BIRC6: variants seen among roughly 807,000 people sequenced by gnomAD.
BIRC6 encodes the protein dual E2 ubiquitin-conjugating enzyme/E3 ubiquitin-protein ligase BIRC6.
A neutral mutation model predicts 503.3 loss-of-function variants in BIRC6; 98 were observed. The ratio of observed to expected loss-of-function variants is 0.19; its 90% CI spans 0.17 to 0.23. The LOEUF is 0.23. Ranked by LOEUF, BIRC6 falls within the 10% of genes least tolerant of loss-of-function variation. The probability of loss-of-function intolerance (pLI) is 1.00; values close to 1 mark genes in which losing one functional copy is unlikely to be tolerated. For synonymous variants in BIRC6, 2,240 were observed against 2,078.7 expected (o/e 1.08, Z -2.11); for missense variants, 5,360 against 5,806.0 (o/e 0.92, Z 2.50).
Position 32,588,743 on chromosome 2 carries a change from A to G in BIRC6, c.13356-5172A>G, listed in dbSNP as rs76582870. Among the ~76,000 whole-genome samples the G allele has an allele frequency of 3.2e-3, 494 of 152,304 alleles. 4 individuals are homozygous for G. Among genetic ancestry groups the G allele is most frequent in the Middle Eastern group, 0.017 (5 of 294 alleles). On this transcript the variant is annotated intron_variant, in intron 66 of 73. Coordinates refer to ENST00000421745, the MANE Select transcript of BIRC6 (RefSeq NM_016252.4). ...AAAGTAACTCTCAGTTACCTCCACT[A>G]ATAAAGGGATTTCTGGCGTGGATAA...
intron 1 of BIRC6, among the ~76,000 whole-genome samples, chr2:32,362,174 C>T (rs566523135): frequency 6.6e-6 from 1 of 152,270 alleles, no homozygotes; most frequent in East Asian, 1.9e-4. Context: ...TCCTCACCAG[C>T]ATTTGGGGGT....
At chr2:32,561,778 T>G (rs925025719) in intron 65 of BIRC6, among the ~76,000 whole-genome samples, 2 of 147,558 alleles carry the variant, frequency 1.4e-5, no homozygotes, top group African/African-American at 5.0e-5. Context: ...GGGGCAGTGC[T>G]CACGCCTATA....
intron 57 of BIRC6, among the ~76,000 whole-genome samples, chr2:32,520,579 A>T (rs894347105): frequency 6.6e-6 from 1 of 152,218 alleles, no homozygotes; most frequent in Non-Finnish European, 1.5e-5. Context: ...GCACTTTGCG[A>T]GGCCAAGGCA....
chr2:32,396,816 C>T (rs191885386), intron 6 of BIRC6, among the ~76,000 whole-genome samples: 16 of 152,154 alleles, frequency 1.1e-4, no homozygotes, highest in African/African-American at 3.6e-4. Flanking sequence ...CTCTACCTCC[C>T]GGGTTCAGGC....
At chr2:32,486,296 C>T (rs1015017373) in intron 40 of BIRC6, among the ~76,000 whole-genome samples, 1 of 152,130 alleles carries the variant, frequency 6.6e-6, no homozygotes, top group African/African-American at 2.4e-5. Context: ...CTTTCCTTGC[C>T]ATATGGTGTG....
Position 32,617,701 on chromosome 2 carries a change from C to T in BIRC6, c.14395-24C>T, listed in dbSNP as rs1303074907. 5.0e-6 allele frequency: 8 copies of T among 1,607,126 alleles called. No homozygotes were observed. The African/African-American group carries it at 6.7e-5, about 13-fold the overall frequency. ...TGTGCTAGAGGGTTTGCAGTTCTAA[C>T]ATTAGTCCTTTTCTCCTGCATAGCG... On this transcript the variant is annotated intron_variant, in intron 73 of 73. Coordinates refer to ENST00000421745, the MANE Select transcript of BIRC6 (RefSeq NM_016252.4).
intron 37 of BIRC6, 135 bp from the exon 38 acceptor site, chr2:32,481,185 T>C: frequency 1.4e-6 from 1 of 716,460 alleles, no homozygotes; most frequent in Non-Finnish European, 2.2e-6. Context: ...GAGCGAAATG[T>C]TTGCATACAT....
rs1408875394 is a variant in BIRC6, at chr2:32,406,656, A to G, written c.1477+99A>G. ...ATTCTGAATTTCTTAGTTAATGCTA[A>G]CTCTAAATTTTTGCTAGTATACACA... On this transcript the variant is annotated intron_variant, in intron 9 of 73. Coordinates refer to ENST00000421745, the MANE Select transcript of BIRC6 (RefSeq NM_016252.4). 6 of 813,592 alleles carry G rather than the reference A, an allele frequency of 7.4e-6. No individual in the cohort carries two copies. The African/African-American group carries it at 1.0e-4, about 14-fold the overall frequency. 50.4% of individuals were successfully genotyped at this position (813,592 alleles called of 1,614,324 possible).
At chr2:32,366,947 C>T (rs968763636) in intron 1 of BIRC6, among the ~76,000 whole-genome samples, 1 of 152,144 alleles carries the variant, frequency 6.6e-6, no homozygotes, top group Non-Finnish European at 1.5e-5. Context: ...TGCCACTGCA[C>T]TCCAGCCTAG....
At chr2:32,446,744 T>G (rs898271853) in intron 21 of BIRC6, among the ~76,000 whole-genome samples, 12 of 122,156 alleles carry the variant, frequency 9.8e-5, no homozygotes, top group African/African-American at 2.2e-4. Context: ...CGCTGTTTTT[T>G]TTTTTTTTTT....
Position 32,487,678 on chromosome 2 carries a change from A to G in BIRC6, c.7845A>G (p.Ser2615=). The G allele has an allele frequency of 6.2e-7, 1 of 1,613,420 alleles. No individual in the cohort carries two copies. The highest frequency in any genetic ancestry group is 1.1e-5 in the South Asian group (1 of 91,006). Residue 2615 remains serine, a synonymous_variant, in exon 41 of 74, where the codon TCA becomes TCG. Transcript: ENST00000421745. ...LSQSPTGTDD[S]LLGGLQAANQ... ...AGTCTCCCACTGGAACAGATGATTC[A>G]CTTCTAGGGGGTTTACAAGCAGCAA...
At chr2:32,546,052 A>G (rs192857055) in intron 63 of BIRC6, among the ~76,000 whole-genome samples, 192 bp downstream of exon 63, 16 of 152,294 alleles carry the variant, frequency 1.1e-4, no homozygotes, top group Non-Finnish European at 2.2e-4. Flanking sequence ...CCAAAAAGAA[A>G]CCTATCTACT....
Position 32,595,137 on chromosome 2 carries a change from A to G in BIRC6, c.13605A>G (p.Leu4535=), listed in dbSNP as rs2061599947. The change falls in exon 68 of 74, where the codon TTA becomes TTG. Residue 4535 remains leucine, a synonymous_variant. Transcript: ENST00000421745. ...AATATGTGGCTGTTATGAAGAAATT[A>G]CAGTTTGGTAAGATGAAATTTTTGA... ...EEKYVAVMKK[L]QFDTFEMVSE... The G allele has an allele frequency of 1.9e-6, 3 of 1,575,110 alleles. No homozygotes were observed. In the South Asian group the frequency reaches 3.6e-5, roughly 19 times the overall value.
At chr2:32,489,728 A>T (rs2051459785) in intron 42 of BIRC6, among the ~76,000 whole-genome samples, 1 of 152,112 alleles carries the variant, frequency 6.6e-6, no homozygotes. Flanking sequence ...AGTTTTGTAG[A>T]GTGTGAGGAT....
chr2:32,476,085 A>T, intron 33 of BIRC6, 128 bp from the exon 34 acceptor site: 2 of 679,830 alleles, frequency 2.9e-6, no homozygotes, highest in Non-Finnish European at 4.5e-6. Flanking sequence ...CATCACAGTT[A>T]AAATTATACT....
Position 32,596,468 on chromosome 2 carries a change from CAAAAAAAAAA to C in BIRC6, c.13613-1271_13613-1262del, listed in dbSNP as rs11345309. On this transcript the variant is annotated intron_variant, in intron 68 of 73. Transcript: ENST00000421745. ...TGGGCGACAGAGCAAGTCTCCATCT[CAAAAAAAAAA>C]AAAAAAAAAAATCATGACCTTTATT... Among the ~76,000 whole-genome samples, 485 of 86,572 alleles carry C rather than the reference CAAAAAAAAAA, an allele frequency of 5.6e-3. 2 individuals are homozygous for C. Among genetic ancestry groups the C allele is most frequent in the African/African-American group, 0.018 (468 of 26,014 alleles). The allele number at this position is 86,572 out of a possible 152,430, so 56.8% of individuals were successfully genotyped here. A position where few individuals can be genotyped will look rare whatever the true frequency, so the allele number is the denominator to read the frequency against.
chr2:32,597,802 T>G lies in BIRC6; in HGVS notation c.13664T>G (p.Val4555Gly). The G allele has an allele frequency of 6.2e-7, 1 of 1,613,734 alleles. No homozygotes were observed. The highest frequency in any genetic ancestry group is 1.7e-5 in the Admixed American group (1 of 60,020). Reference protein sequence around the residue: ...EDEDGKLGFKVNYHYMSQVKN... With the variant: ...EDEDGKLGFKGNYHYMSQVKN... ...GAAGATGGGAAATTGGGATTTAAAG[T>G]AAATTACCACTACATGTCTCAGGTG... The change falls in exon 69 of 74, where the codon GTA (valine) becomes GGA (glycine). Residue 4555 changes from valine (V) to glycine (G), a missense_variant. Physicochemically the swap from Val to Gly is moderately radical, Grantham distance 109. Around this residue, in one of 16 missense-constraint regions of BIRC6, gnomAD observed 477 missense variants for 574.4 expected, o/e 0.83. Coordinates refer to ENST00000421745, the MANE Select transcript of BIRC6 (RefSeq NM_016252.4).
chr2:32,572,937 C>G (rs1391850610), intron 65 of BIRC6, among the ~76,000 whole-genome samples: 1 of 152,142 alleles, frequency 6.6e-6, no homozygotes, highest in Non-Finnish European at 1.5e-5. Context: ...GTACAGGATG[C>G]TAGGTGATGC....
At chr2:32,576,782 A>C (rs895659342) in intron 66 of BIRC6, among the ~76,000 whole-genome samples, 1 of 152,164 alleles carries the variant, frequency 6.6e-6, no homozygotes, top group Non-Finnish European at 1.5e-5. Flanking sequence ...TTGGCATACA[A>C]ATGGTTTTTG....
Sources: allele counts gnomAD v4.1 joint callset (sites outside exome capture counted in the v4.1 genomes callset), GRCh38; gene constraint gnomAD v4.1.1; regional missense constraint gnomAD v4.1.1; transcripts MANE v1.5; gene names NCBI Gene and HGNC (gene_info 2026-07-23, HGNC 2026-07-21).